Variants in C10orf90 observed in about 807,000 individuals in gnomAD.
C10orf90 encodes the protein (E2-independent) E3 ubiquitin-conjugating enzyme FATS.
Under a neutral mutation model 62.5 loss-of-function variants are expected in C10orf90, and 56 were observed. The observed-to-expected ratio is 0.90, with a 90% CI of 0.72 to 1.12. C10orf90 has a LOEUF of 1.12. Among genes scored for constraint, C10orf90 ranks in the 50% most tolerant of loss-of-function variants. The probability of loss-of-function intolerance (pLI) is 0.00; values close to 1 mark genes in which losing one functional copy is unlikely to be tolerated. For synonymous variants in C10orf90, 386 were observed against 340.4 expected, an observed-to-expected ratio of 1.13 and a Z score of -1.47; for missense variants, 970 against 880.4, an observed-to-expected ratio of 1.10 and a Z score of -1.29.
chr10:126,557,874 GA>G (rs1035242303), intron 2 of C10orf90, among the ~76,000 whole-genome samples: 11 of 151,826 alleles, frequency 7.2e-5, no homozygotes, highest in Non-Finnish European at 1.6e-4. Flanking sequence ...TTGGGCAAGG[GA>G]GAAACATCCT....
chr10:126,646,062 G>T (rs1016557736), intron 2 of C10orf90, among the ~76,000 whole-genome samples: 13 of 152,202 alleles, frequency 8.5e-5, no homozygotes, highest in African/African-American at 2.9e-4. Flanking sequence ...GTGGGGCAGG[G>T]GAGCTGGTTT....
At chr10:126,457,045 T>A (rs1859631617) in intron 7 of C10orf90, among the ~76,000 whole-genome samples, 1 of 152,142 alleles carries the variant, frequency 6.6e-6, no homozygotes, top group Non-Finnish European at 1.5e-5. Flanking sequence ...TGGAGTGAAG[T>A]GGTGTGATCA....
chr10:126,580,589 C>T (rs896660994), intron 2 of C10orf90, among the ~76,000 whole-genome samples: 5 of 149,528 alleles, frequency 3.3e-5, no homozygotes, highest in African/African-American at 9.9e-5. Context: ...GGAGGCGGAG[C>T]TTGCAGTGAG....
chr10:126,429,957 G>T, intron 7 of C10orf90, 107 bp from the exon 8 acceptor site: 1 of 990,492 alleles, frequency 1.0e-6, no homozygotes, highest in Non-Finnish European at 1.6e-6. Context: ...CTTATTCTAA[G>T]CCATATCCTG....
intron 1 of C10orf90, among the ~76,000 whole-genome samples, chr10:126,648,797 T>A (rs1846221329): frequency 6.6e-6 from 1 of 151,668 alleles, no homozygotes; most frequent in Non-Finnish European, 1.5e-5. Flanking sequence ...CTCTCCTGGG[T>A]TGTTGTCTTG....
At chr10:126,637,420 T>A (rs1390455385) in intron 2 of C10orf90, among the ~76,000 whole-genome samples, 2 of 152,222 alleles carry the variant, frequency 1.3e-5, no homozygotes, top group African/African-American at 4.8e-5. Flanking sequence ...TATTGAGTGC[T>A]TAGGCACAGC....
intron 4 of C10orf90, among the ~76,000 whole-genome samples, chr10:126,480,955 G>T (rs900310167): frequency 6.6e-6 from 1 of 152,024 alleles, no homozygotes; most frequent in African/African-American, 2.4e-5. Flanking sequence ...ACTCCTCCTG[G>T]TGTGATCGGG....
chr10:126,440,335 T>G (rs1858224693), intron 7 of C10orf90, among the ~76,000 whole-genome samples: 1 of 151,880 alleles, frequency 6.6e-6, no homozygotes, highest in South Asian at 2.1e-4. Context: ...GGTAAGTAAC[T>G]CCATTGACCT....
At chr10:126,662,236 T>C (rs543193916) in intron 1 of C10orf90, among the ~76,000 whole-genome samples, 14 of 152,298 alleles carry the variant, frequency 9.2e-5, no homozygotes, top group African/African-American at 3.1e-4. Context: ...TACTAAGACA[T>C]GACCCTCCTC....
rs1346640170 is a variant in C10orf90, at chr10:126,608,367, C to T, written c.313+38198G>A. Among the ~76,000 whole-genome samples the T allele has an allele frequency of 2.6e-5, 4 of 152,204 alleles. No individual in the cohort carries two copies. In the East Asian group the frequency reaches 7.7e-4, roughly 29 times the overall value. On this transcript the variant is annotated intron_variant, in intron 2 of 9. Coordinates refer to ENST00000488181, the MANE Select transcript of C10orf90 (RefSeq NM_001350921.2). ...ACTCAAGCGATCTTCCCTCCTCAGCCTCCCAAAGTGCTGGGATTACAGGCT... is the reference window on the plus strand; with the variant it reads ...ACTCAAGCGATCTTCCCTCCTCAGCTTCCCAAAGTGCTGGGATTACAGGCT...
chr10:126,428,999 G>A (rs1331205902), intron 8 of C10orf90, among the ~76,000 whole-genome samples: 1 of 152,020 alleles, frequency 6.6e-6, no homozygotes. Context: ...CCTGAAGTGG[G>A]GAGAAAAGTA....
chr10:126,555,243 T>TA, intron 2 of C10orf90, among the ~76,000 whole-genome samples: 1 of 152,196 alleles, frequency 6.6e-6, no homozygotes, highest in Non-Finnish European at 1.5e-5. Flanking sequence ...GATAAATGGA[T>TA]TGGGCTTTGG....
chr10:126,470,478 C>T (rs1321866189), intron 4 of C10orf90, among the ~76,000 whole-genome samples: 1 of 152,088 alleles, frequency 6.6e-6, no homozygotes, highest in Non-Finnish European at 1.5e-5. Flanking sequence ...ACATGTAATC[C>T]CAGCATGTTG....
chr10:126,566,956 G>C (rs1217364296), intron 2 of C10orf90, among the ~76,000 whole-genome samples: 2 of 152,094 alleles, frequency 1.3e-5, no homozygotes, highest in Non-Finnish European at 2.9e-5. Flanking sequence ...CAAGAGGAGA[G>C]GAAGTGAAAA....
At chr10:126,617,150 G>T (rs547308506) in intron 2 of C10orf90, among the ~76,000 whole-genome samples, 2 of 152,308 alleles carry the variant, frequency 1.3e-5, no homozygotes, top group African/African-American at 4.8e-5. Flanking sequence ...ATTTCTCTGT[G>T]TGGCGGGGTG....
chr10:126,624,807 C>A (rs907966861), intron 2 of C10orf90, among the ~76,000 whole-genome samples: 7 of 152,068 alleles, frequency 4.6e-5, no homozygotes, highest in African/African-American at 1.7e-4. Flanking sequence ...CATTAGCCCC[C>A]ACAGTGGGGG....
At chr10:126,584,696 C>A (rs1844825138) in intron 2 of C10orf90, among the ~76,000 whole-genome samples, 1 of 152,146 alleles carries the variant, frequency 6.6e-6, no homozygotes, top group Admixed American at 6.5e-5. Context: ...TCTCAGAATC[C>A]CACTGATTTG....
At chr10:126,574,586 T>C (rs573380554) in intron 2 of C10orf90, among the ~76,000 whole-genome samples, 1 of 152,210 alleles carries the variant, frequency 6.6e-6, no homozygotes, top group Non-Finnish European at 1.5e-5. Flanking sequence ...GTGGGATTTA[T>C]TGCAGGGATG....
rs61733556 is a variant in C10orf90 at position 126,670,269 on chromosome 10, G to A, written c.212C>T (p.Thr71Met). The A allele has an allele frequency of 6.6e-6, 3 of 456,638 alleles. No homozygotes were observed. Among genetic ancestry groups the A allele is most frequent in the Admixed American group, 2.3e-5 (1 of 42,570 alleles). 28.3% of individuals were successfully genotyped at this position (456,638 alleles called of 1,614,324 possible). Residue 71 changes from threonine to methionine, a missense_variant, in exon 1 of 10, where the codon ACG (threonine) becomes ATG (methionine). Thr to Met is a moderately conservative substitution (Grantham distance 81). Transcript: ENST00000488181. ...ATATCTGCTGGCTGTCTGCTCAGCCGTCTTCAAGCCTTGACACATATGGAT... is the reference window on the plus strand; with the variant it reads ...ATATCTGCTGGCTGTCTGCTCAGCCATCTTCAAGCCTTGACACATATGGAT... ...CIIHMCQGLK[T>M]AEQTASRYEI...
Sources: gnomAD v4.1 joint callset for allele counts (sites outside exome capture counted in the v4.1 genomes callset) on GRCh38, gnomAD v4.1.1 for gene constraint, MANE v1.5 for transcripts, NCBI Gene and HGNC (gene_info 2026-07-23, HGNC 2026-07-21) for gene names.